The following TET1 variants were observed in gnomAD, a reference collection of about 807,000 sequenced individuals.
TET1 encodes the protein methylcytosine dioxygenase TET1.
TET1 carries 13 observed loss-of-function variants against 148.7 expected under a neutral mutation model. The ratio of observed to expected loss-of-function variants is 0.09; its 90% CI spans 0.06 to 0.14. The LOEUF is 0.14. TET1 is among the 10% of genes least tolerant of loss of function. The pLI is 1.00. For missense variants in TET1, 2,182 were observed against 2,553.8 expected (o/e 0.85, Z 3.14); for synonymous variants, 907 against 937.2 (o/e 0.97, Z 0.59).
chr10:68,584,488 C>G (rs2053837743), intron 2 of TET1, among the ~76,000 whole-genome samples: 1 of 151,768 alleles, frequency 6.6e-6, no homozygotes, highest in African/African-American at 2.4e-5. Flanking sequence ...GCTGGCAGAT[C>G]ACTTGAGGCC....
chr10:68,689,919 A>G (rs765138428), intron 11 of TET1, among the ~76,000 whole-genome samples: 11 of 152,226 alleles, frequency 7.2e-5, no homozygotes, highest in Non-Finnish European at 1.5e-4. Flanking sequence ...CTTAATGAGA[A>G]GGAAACTAAG....
At chr10:68,601,313 C>T (rs1212177666) in intron 3 of TET1, among the ~76,000 whole-genome samples, 3 of 152,044 alleles carry the variant, frequency 2.0e-5, no homozygotes, top group East Asian at 3.8e-4. Context: ...TTTATAGCTC[C>T]CTTTGTAGCA....
chr10:68,686,393 G>C lies in TET1; in HGVS notation c.5090G>C (p.Gly1697Ala), dbSNP rs762825169. ...ACTCGAGAAGATAACCGCTCTTTGG[G>C]TGTTATTCCTCAAGATGAGCAGCTC... ...TLTREDNRSL[G>A]VIPQDEQLHV... Residue 1697 changes from glycine (G) to alanine (A), a missense_variant, in exon 11 of 12, where the codon GGT (glycine) becomes GCT (alanine). Transcript: ENST00000373644. The C allele has an allele frequency of 1.9e-6, 3 of 1,612,948 alleles. No homozygotes were observed. The highest frequency in any genetic ancestry group is 2.2e-5 in the South Asian group (2 of 90,934).
At chr10:68,686,804 C>A in intron 11 of TET1, 97 bp downstream of exon 11, 1 of 1,085,040 alleles carries the variant, frequency 9.2e-7, no homozygotes, top group Non-Finnish European at 1.3e-6. Context: ...AAAACTAAGA[C>A]ACTGAATATA....
intron 6 of TET1, among the ~76,000 whole-genome samples, chr10:68,660,295 T>A (rs1229376325): frequency 2.0e-5 from 3 of 152,112 alleles, no homozygotes; most frequent in African/African-American, 4.8e-5. Context: ...AGTTTGGTTT[T>A]TAATTTAATT....
intron 6 of TET1, among the ~76,000 whole-genome samples, chr10:68,657,075 T>C (rs1320822248): frequency 6.8e-6 from 1 of 147,474 alleles, no homozygotes; most frequent in Admixed American, 6.7e-5. Context: ...CATTTCTGTA[T>C]ATCTGTAATC....
At chr10:68,604,566 G>A (rs761326614) in intron 3 of TET1, among the ~76,000 whole-genome samples, 29 of 152,282 alleles carry the variant, frequency 1.9e-4, no homozygotes, top group Middle Eastern at 3.4e-3. Flanking sequence ...GGGTGGGTGT[G>A]GGATAAATGC....
At chr10:68,608,536 ATTAT>A (rs1275175387) in intron 3 of TET1, among the ~76,000 whole-genome samples, 1 of 151,328 alleles carries the variant, frequency 6.6e-6, no homozygotes, top group Middle Eastern at 3.2e-3. Context: ...CGCCAGGCCT[ATTAT>A]TTATTTATTT....
intron 3 of TET1, among the ~76,000 whole-genome samples, chr10:68,627,343 G>C (rs928358985): frequency 6.6e-6 from 1 of 150,910 alleles, no homozygotes; most frequent in Non-Finnish European, 1.5e-5. Flanking sequence ...CCGGGAGGCA[G>C]AGGTTGCAGT....
Position 68,610,858 on chromosome 10 carries a change from G to A in TET1, c.1968+9824G>A, listed in dbSNP as rs553154899. On this transcript the variant is annotated intron_variant, in intron 3 of 11. Transcript: ENST00000373644. The stretch of plus-strand genomic sequence containing the variant: ...TTTTGTAGAGATGAGGTTTTGCCAT[G>A]TTACCCAGGCTGGTCTCAAACTCCT... Among the ~76,000 whole-genome samples, 8 of 152,210 alleles carry A rather than the reference G, an allele frequency of 5.3e-5. No individual in the cohort carries two copies. In the South Asian group the frequency reaches 1.7e-3, roughly 32 times the overall value.
intron 6 of TET1, among the ~76,000 whole-genome samples, chr10:68,659,975 A>G (rs2055081853): frequency 6.6e-6 from 1 of 152,190 alleles, no homozygotes; most frequent in Non-Finnish European, 1.5e-5. Flanking sequence ...AACTGGTGAC[A>G]TTTTGGAGGA....
At chr10:68,650,162 C>T (rs547025758) in intron 4 of TET1, among the ~76,000 whole-genome samples, 2 of 152,206 alleles carry the variant, frequency 1.3e-5, no homozygotes, top group South Asian at 4.1e-4. Flanking sequence ...TGTTTAGCAG[C>T]ATCTCTATCT....
At chr10:68,651,011 T>C (rs529099941) in intron 4 of TET1, among the ~76,000 whole-genome samples, 4 of 152,346 alleles carry the variant, frequency 2.6e-5, no homozygotes, top group African/African-American at 7.2e-5. Context: ...CTAAATGTTT[T>C]ATAAATATTA....
At chr10:68,683,768 G>A (rs1052863271) in intron 10 of TET1, among the ~76,000 whole-genome samples, 4 of 152,188 alleles carry the variant, frequency 2.6e-5, no homozygotes, top group Non-Finnish European at 2.9e-5. Context: ...AGTTGAGCAT[G>A]TTACTTGATA....
chr10:68,608,131 T>C (rs1317740615), intron 3 of TET1, among the ~76,000 whole-genome samples: 1 of 152,176 alleles, frequency 6.6e-6, no homozygotes, highest in Non-Finnish European at 1.5e-5. Context: ...GGTTTCATCA[T>C]GTTGGCCAGG....
chr10:68,611,650 CTTTCTTTTCTTTTCTTTTCTTTTCTTTCT>C (rs1316057148), intron 3 of TET1, among the ~76,000 whole-genome samples: 3 of 133,140 alleles, frequency 2.3e-5, no homozygotes, highest in Non-Finnish European at 4.8e-5. Context: ...GAGACCCTTT[CTTTCTTTTCTTTTCTTTTCTTTTCTTTCT>C]TTTCTTTTCT....
Position 68,601,007 on chromosome 10 carries a change from G to A in TET1, c.1941G>A (p.Gln647=). The A allele has an allele frequency of 6.2e-7, 1 of 1,605,782 alleles. No homozygotes were observed. The highest frequency in any genetic ancestry group is 1.1e-5 in the South Asian group (1 of 88,220). ...LEVIKENKRP[Q]REKKPKVLKA... ...TTATAAAGGAAAACAAGAGGCCCCAGAGGGAAAAGAAGCCCAAAGTTTTAA... is the reference window on the plus strand; with the variant it reads ...TTATAAAGGAAAACAAGAGGCCCCAAAGGGAAAAGAAGCCCAAAGTTTTAA... The change falls in exon 3 of 12, where the codon CAG becomes CAA. Residue 647 remains glutamine (Q), a synonymous_variant. Transcript: ENST00000373644.
chr10:68,576,070 G>A (rs1458964813), intron 2 of TET1, among the ~76,000 whole-genome samples: 4 of 149,792 alleles, frequency 2.7e-5, no homozygotes, highest in Non-Finnish European at 5.9e-5. Context: ...TAAAAGTGTT[G>A]TGAGGCTGGT....
intron 3 of TET1, among the ~76,000 whole-genome samples, chr10:68,606,461 A>G (rs963816139): frequency 2.6e-5 from 4 of 152,218 alleles, no homozygotes; most frequent in Non-Finnish European, 5.9e-5. Context: ...TCAGTTAGTA[A>G]AATAAATCAT....
Sources: allele counts gnomAD v4.1 joint callset (sites outside exome capture counted in the v4.1 genomes callset), GRCh38; gene constraint gnomAD v4.1.1; transcripts MANE v1.5; gene names NCBI Gene and HGNC (gene_info 2026-07-23, HGNC 2026-07-21).